CD163: variants seen among roughly 807,000 people sequenced by gnomAD.
CD163 encodes the protein scavenger receptor cysteine-rich type 1 protein M130.
A neutral mutation model predicts 129.2 loss-of-function variants in CD163; 64 were observed. The observed-to-expected ratio is 0.50, with a 90% CI of 0.41 to 0.61. The LOEUF is 0.61. CD163 is among the 20% of genes least tolerant of loss of function. The pLI, the probability that CD163 is intolerant of heterozygous loss-of-function variation, is 0.00. For synonymous variants in CD163, 446 were observed against 478.5 expected (o/e 0.93, Z 0.89); for missense variants, 1,061 against 1,377.9 (o/e 0.77, Z 3.64).
intron 16 of CD163, among the ~76,000 whole-genome samples, chr12:7,474,659 T>G (rs1420864731): frequency 1.3e-5 from 2 of 151,768 alleles, no homozygotes; most frequent in East Asian, 3.9e-4. Context: ...ACATCACAAT[T>G]AAAAGAACTA....
At chr12:7,483,161 G>T in intron 12 of CD163, 157 bp from the exon 13 acceptor site, 1 of 829,260 alleles carries the variant, frequency 1.2e-6, no homozygotes, top group Non-Finnish European at 1.9e-6. Flanking sequence ...CTCTGCACAG[G>T]GAATATAGGT....
rs759539470 is a variant in CD163, at chr12:7,485,886, C to T, written c.2459-470G>A. ...TTATGTCATTAAAATAGGAATAAATCACTTCTGAGATACAGAGTTTTTCAC... is the reference window on the plus strand; with the variant it reads ...TTATGTCATTAAAATAGGAATAAATTACTTCTGAGATACAGAGTTTTTCAC... On this transcript the variant is annotated intron_variant, in intron 10 of 16. Transcript: ENST00000432237. The surrounding 1 kb of genome is among the most constrained non-coding windows in gnomAD (Gnocchi z 4.5). Among the ~76,000 whole-genome samples the T allele has an allele frequency of 1.9e-4, 29 of 152,158 alleles. No individual in the cohort carries two copies. Among genetic ancestry groups the T allele is most frequent in the Non-Finnish European group, 3.4e-4 (23 of 68,028 alleles).
chr12:7,487,080 T>G lies in CD163; in HGVS notation c.2051-94A>C. Reference sequence around the variant, plus strand: ...GGATGAGTTGAGGACAAACATAGCTTAGAGAGAGAGGGGAAGGTGGATGGT... The same window carrying G: ...GGATGAGTTGAGGACAAACATAGCTGAGAGAGAGAGGGGAAGGTGGATGGT... On this transcript the variant is annotated intron_variant, in intron 8 of 16. Transcript: ENST00000432237. The surrounding 1 kb of genome is among the most constrained non-coding windows in gnomAD (Gnocchi z 5.1). 1.0e-6 allele frequency: 1 copy of G among 998,008 alleles called. No individual in the cohort carries two copies. The highest frequency in any genetic ancestry group is 1.5e-6 in the Non-Finnish European group (1 of 657,594). 61.8% of individuals were successfully genotyped at this position (998,008 alleles called of 1,614,324 possible). A position where few individuals can be genotyped will look rare whatever the true frequency, so the allele number is the denominator to read the frequency against.
At position 7,485,429 on chromosome 12, in the gene CD163, A is replaced by G; in HGVS notation, c.2459-13T>C. On this transcript the variant is annotated splice_polypyrimidine_tract_variant and intron_variant, in intron 10 of 16. Coordinates refer to ENST00000432237, the MANE Select transcript of CD163 (RefSeq NM_203416.4). This position sits in a 1 kb window ranked among gnomAD's most constrained non-coding sequence, Gnocchi z 4.5. ...AGAGACATGAATTCTGCAGCGAAAC[A>G]TAGAATTAGTAGTTTTGCATCTTTT... The G allele has an allele frequency of 2.5e-6, 4 of 1,599,902 alleles. No individual in the cohort carries two copies. Among genetic ancestry groups the G allele is most frequent in the Non-Finnish European group, 3.4e-6 (4 of 1,169,112 alleles).
intron 3 of CD163, 47 bp downstream of exon 3, chr12:7,501,092 T>A: frequency 6.5e-7 from 1 of 1,547,394 alleles, no homozygotes; most frequent in Non-Finnish European, 8.9e-7. Context: ...CATATTTTTT[T>A]CCCACCAAGG....
In CD163 at chr12:7,499,142, A is replaced by G. The variant is rs1161778247; in HGVS notation, c.504T>C (p.Cys168=). Residue 168 remains cysteine, a synonymous_variant, in exon 4 of 17, where the codon TGT becomes TGC. Transcript: ENST00000432237. ...EMRLTRGGNM[C]SGRIEIKFQG... is the part of the protein sequence containing the mutation. ...GGAATTTGATCTCTATTCTTCCAGA[A>G]CACATATTCCCTCCACGCGTCAGCC... 49 of 1,613,736 alleles carry G rather than the reference A, an allele frequency of 3.0e-5. No homozygotes were observed. The highest frequency in any genetic ancestry group is 4.0e-5 in the Non-Finnish European group (47 of 1,179,990).
chr12:7,494,807 T>C (rs767492529), intron 6 of CD163, among the ~76,000 whole-genome samples: 8 of 152,328 alleles, frequency 5.3e-5, no homozygotes, highest in South Asian at 2.1e-4. Flanking sequence ...GAAAGAAATA[T>C]TGAATTCTAT....
chr12:7,488,059 C>T lies in CD163; in HGVS notation c.1449G>A (p.Gly483=). The part of the protein sequence containing the change: ...SAHREPRLVG[G]DIPCSGRVEV... The stretch of plus-strand genomic sequence containing the variant: ...CAACACGTCCAGAACAGGGAATGTC[C>T]CCTCCAACCAGTCTGGGTTCCCTGT... Residue 483 remains glycine (G), a synonymous_variant, in exon 7 of 17, where the codon GGG becomes GGA. Transcript: ENST00000432237. The T allele has an allele frequency of 1.2e-6, 2 of 1,613,408 alleles. No homozygotes were observed. The highest frequency in any genetic ancestry group is 1.7e-6 in the Non-Finnish European group (2 of 1,179,704).
rs915432892 is a variant in CD163, at chr12:7,485,841, G to A, written c.2459-425C>T. 6.6e-6 allele frequency among the ~76,000 whole-genome samples: 1 copy of A among 152,132 alleles called. No homozygotes were observed. The highest frequency in any genetic ancestry group is 1.5e-5 in the Non-Finnish European group (1 of 68,030). The stretch of plus-strand genomic sequence containing the variant: ...TTTGCTGACACTTCACAGTTTTGCA[G>A]TGCATGTCTTCTACCAGATTTATGT... On this transcript the variant is annotated intron_variant, in intron 10 of 16. Coordinates refer to ENST00000432237, the MANE Select transcript of CD163 (RefSeq NM_203416.4). This position sits in a 1 kb window ranked among gnomAD's most constrained non-coding sequence, Gnocchi z 4.5.
At chr12:7,498,310 TC>T (rs1297378349) in intron 4 of CD163, among the ~76,000 whole-genome samples, 2 of 151,792 alleles carry the variant, frequency 1.3e-5, no homozygotes, top group Non-Finnish European at 2.9e-5. Context: ...CAAACGATTT[TC>T]CCCGCCCCCA....
At chr12:7,473,642 G>A (rs188442275) in intron 16 of CD163, among the ~76,000 whole-genome samples, 16 of 152,214 alleles carry the variant, frequency 1.1e-4, no homozygotes, top group Admixed American at 2.0e-4. Context: ...AAAGACCAAT[G>A]ATACTATGAA....
Position 7,485,473 on chromosome 12 carries a change from C to T in CD163, c.2459-57G>A. 7.2e-7 allele frequency: 1 copy of T among 1,380,136 alleles called. No homozygotes were observed. The highest frequency in any genetic ancestry group is 1.0e-6 in the Non-Finnish European group (1 of 987,850). 85.5% of individuals were successfully genotyped at this position (1,380,136 alleles called of 1,614,324 possible). A position where few individuals can be genotyped will look rare whatever the true frequency, so the allele number is the denominator to read the frequency against. On this transcript the variant is annotated intron_variant, in intron 10 of 16. Coordinates refer to ENST00000432237, the MANE Select transcript of CD163 (RefSeq NM_203416.4). This position sits in a 1 kb window ranked among gnomAD's most constrained non-coding sequence, Gnocchi z 4.5. ...ATCTTTTCTGAAGATTCAGAGACTC[C>T]TTCCCTTTACCTTGATGTAAGAATG... is the stretch of plus-strand genomic sequence containing the variant.
intron 16 of CD163, among the ~76,000 whole-genome samples, chr12:7,475,741 C>T (rs1351159566): frequency 6.6e-6 from 1 of 152,050 alleles, no homozygotes; most frequent in East Asian, 1.9e-4. Flanking sequence ...CTGGCCAGGG[C>T]AATCAGGCAT....
At position 7,487,992 on chromosome 12, in the gene CD163, C is replaced by T; in HGVS notation, c.1516G>A (p.Asp506Asn). Residue 506 changes from aspartate to asparagine, a missense_variant, in exon 7 of 17, where the codon GAC becomes AAC. By Grantham distance (23) the Asp-to-Asn change is conservative. Transcript: ENST00000432237. The surrounding 1 kb of genome is among the most constrained non-coding windows in gnomAD (Gnocchi z 5.1). Reference protein sequence around the residue: ...GDTWGSICDSDFSLEAASVLC... With the variant: ...GDTWGSICDSNFSLEAASVLC... Reference sequence around the variant, plus strand: ...ACGCTGGCAGCTTCCAGAGAGAAGTCCGAATCACAGATGGAGCCCCACGTG... The same window carrying T: ...ACGCTGGCAGCTTCCAGAGAGAAGTTCGAATCACAGATGGAGCCCCACGTG... 6.2e-7 allele frequency: 1 copy of T among 1,614,140 alleles called. No individual in the cohort carries two copies. The highest frequency in any genetic ancestry group is 8.5e-7 in the Non-Finnish European group (1 of 1,180,020).
intron 5 of CD163, 116 bp from the exon 6 acceptor site, chr12:7,495,517 A>T (rs1007615691): frequency 4.4e-5 from 38 of 855,262 alleles, no homozygotes; most frequent in Non-Finnish European, 6.8e-5. Flanking sequence ...TAGGTAACTT[A>T]TTTCCTGACT....
At position 7,479,859 on chromosome 12, in the gene CD163, C is replaced by A. The variant is rs750511465; in HGVS notation, c.*31+1G>T. 1.2e-6 allele frequency: 2 copies of A among 1,611,986 alleles called. No homozygotes were observed. The highest frequency in any genetic ancestry group is 1.7e-6 in the Non-Finnish European group (2 of 1,178,986). On this transcript the variant is annotated splice_donor_variant, in intron 16 of 16. Transcript: ENST00000432237. LOFTEE classifies it low-confidence loss of function (3UTR_SPLICE). ...ATGACTAATAAATTCTCATCACTCA[C>A]CTCACTGGGTTATAAATTCCCATTT...
In CD163 at chr12:7,483,365, A is replaced by G; in HGVS notation, c.3088+2T>C. 1.2e-6 allele frequency: 2 copies of G among 1,609,780 alleles called. No homozygotes were observed. The highest frequency in any genetic ancestry group is 1.7e-6 in the Non-Finnish European group (2 of 1,177,898). Reference sequence around the variant, plus strand: ...AGCTCAATCCAGGCTTCTGGCACTTACCTGTGCAATTCACTGCAGCGTCTT... The same window carrying G: ...AGCTCAATCCAGGCTTCTGGCACTTGCCTGTGCAATTCACTGCAGCGTCTT... On this transcript the variant is annotated splice_donor_variant, in intron 12 of 16. Coordinates refer to ENST00000432237, the MANE Select transcript of CD163 (RefSeq NM_203416.4). LOFTEE classifies it high-confidence loss of function.
At position 7,487,191 on chromosome 12, in the gene CD163, G is replaced by A. The variant is rs747478463; in HGVS notation, c.2050+168C>T. ...TAACTAAGAAGTCCATCAAAATTAGGTTTGCTCACCCTCTGAAAAGACAAA... is the reference window on the plus strand; with the variant it reads ...TAACTAAGAAGTCCATCAAAATTAGATTTGCTCACCCTCTGAAAAGACAAA... On this transcript the variant is annotated intron_variant, in intron 8 of 16. Coordinates refer to ENST00000432237, the MANE Select transcript of CD163 (RefSeq NM_203416.4). This position sits in a 1 kb window ranked among gnomAD's most constrained non-coding sequence, Gnocchi z 5.1. Among the ~76,000 whole-genome samples, 8 of 152,246 alleles carry A rather than the reference G, an allele frequency of 5.3e-5. No homozygotes were observed. The East Asian group carries it at 1.5e-3, about 29-fold the overall frequency.
intron 11 of CD163, 136 bp from the exon 12 acceptor site, chr12:7,483,811 T>TTATATATATATGTATATATA (rs1555076495): frequency 8.5e-5 from 11 of 128,884 alleles, no homozygotes; most frequent in African/African-American, 3.2e-4. Context: ...ATATTAAAAT[T>TTATATATATATGTATATATA]TATATATATA....
Sources: gnomAD v4.1 joint callset for allele counts (sites outside exome capture counted in the v4.1 genomes callset) on GRCh38, gnomAD v4.1.1 for gene constraint, Gnocchi (gnomAD v3.1) non-coding constraint, MANE v1.5 for transcripts, NCBI Gene and HGNC (gene_info 2026-07-23, HGNC 2026-07-21) for gene names.